RPS3A: variants seen among roughly 807,000 people sequenced by gnomAD.
RPS3A encodes the protein small ribosomal subunit protein eS1.
A neutral mutation model predicts 26.4 loss-of-function variants in RPS3A; 1 was observed. That is an observed-to-expected ratio of 0.04 (90% CI 0.01 to 0.18). The LOEUF is 0.18. RPS3A is among the 10% of genes least tolerant of loss of function. The probability of loss-of-function intolerance (pLI) is 1.00; values close to 1 mark genes in which losing one functional copy is unlikely to be tolerated. For synonymous variants in RPS3A, 97 were observed against 106.1 expected, an observed-to-expected ratio of 0.91 and a Z score of 0.53; for missense variants, 139 against 326.8, an observed-to-expected ratio of 0.43 and a Z score of 4.43.
In RPS3A at chr4:151,100,067, C is replaced by T. The variant is rs1027432651; in HGVS notation, c.62+353C>T. On this transcript the variant is annotated intron_variant, in intron 1 of 5. Transcript: ENST00000274065. ...AGCACCCTTCTATCCATTCAGGACC[C>T]GTCAATCTCGCCTTTGCTTGGTCCC... 5 of 548,848 alleles carry T rather than the reference C, an allele frequency of 9.1e-6. No homozygotes were observed. The Admixed American group carries it at 1.1e-4, about 12-fold the overall frequency. 34.0% of individuals were successfully genotyped at this position (548,848 alleles called of 1,614,324 possible).
Position 151,099,670 on chromosome 4 carries a change from C to T in RPS3A, c.18C>T (p.Asn6=), listed in dbSNP as rs372699294. The part of the protein sequence containing the change: MAVGK[N]KRLTKGGKKG... ...CCAGCACCATGGCGGTTGGCAAGAA[C>T]AAGCGCCTTACGAAAGGCGGCAAAA... Residue 6 remains asparagine (N), a synonymous_variant, in exon 1 of 6, where the codon AAC becomes AAT. Transcript: ENST00000274065. 161 of 1,613,898 alleles carry T rather than the reference C, an allele frequency of 1.0e-4. 3 individuals are homozygous for T. Among genetic ancestry groups the T allele is most frequent in the East Asian group, 6.2e-4 (28 of 44,880 alleles).
At chr4:151,103,811 A>G (rs1747237041) in intron 4 of RPS3A, 2 of 1,359,692 alleles carry the variant, frequency 1.5e-6, no homozygotes, top group African/African-American at 1.5e-5. Flanking sequence ...ACCTTTCATG[A>G]TTAATGATGC....
At chr4:151,103,508 C>CTG (rs34431267) in intron 4 of RPS3A, 910,625 of 1,029,484 alleles carry the variant, frequency 0.88, 406,575 homozygotes, top group Non-Finnish European at 0.91. Flanking sequence ...TGCCAGTACT[C>CTG]TAAATGATAA....
intron 1 of RPS3A, 125 bp from the exon 2 acceptor site, chr4:151,100,360 G>A: frequency 1.6e-6 from 1 of 621,362 alleles, no homozygotes; most frequent in Non-Finnish European, 2.9e-6. Context: ...ACCTCACTGT[G>A]AGATATACTT....
intron 3 of RPS3A, among the ~76,000 whole-genome samples, chr4:151,101,746 G>A (rs1040958711): frequency 6.6e-6 from 1 of 152,056 alleles, no homozygotes; most frequent in African/African-American, 2.4e-5. Context: ...GGAGTTTTTT[G>A]TTTTTGGGAG....
chr4:151,104,302 C>T lies in RPS3A; in HGVS notation c.673+16C>T. The stretch of plus-strand genomic sequence containing the variant: ...AAGTTTGAATGTAAGTGAGAAATCA[C>T]ATGATTCCTGTAGGGCCAAATACAT... On this transcript the variant is annotated intron_variant, in intron 5 of 5. Coordinates refer to ENST00000274065, the MANE Select transcript of RPS3A (RefSeq NM_001006.5). 6.2e-7 allele frequency: 1 copy of T among 1,611,826 alleles called. No homozygotes were observed. The highest frequency in any genetic ancestry group is 8.5e-7 in the Non-Finnish European group (1 of 1,179,318).
chr4:151,103,650 C>G (rs1360858562), intron 4 of RPS3A: 5 of 1,068,656 alleles, frequency 4.7e-6, no homozygotes, highest in Non-Finnish European at 5.7e-6. Flanking sequence ...GCCTGGAGTC[C>G]CAGCTACTCA....
At chr4:151,102,823 A>G in intron 3 of RPS3A, 48 bp from the exon 4 acceptor site, 1 of 1,557,762 alleles carries the variant, frequency 6.4e-7, no homozygotes, top group East Asian at 2.3e-5. Context: ...TGAGGGATAA[A>G]TGGATAACGT....
At chr4:151,101,239 A>G in intron 3 of RPS3A, 77 bp downstream of exon 3, 1 of 802,138 alleles carries the variant, frequency 1.2e-6, no homozygotes, top group Non-Finnish European at 1.9e-6. Context: ...GACTGGAAGG[A>G]GCAAGTTCAT....
intron 1 of RPS3A, chr4:151,099,956 T>G (rs1278447482): frequency 1.5e-6 from 1 of 671,666 alleles, no homozygotes. Context: ...CCGGCGCGAC[T>G]CGGCTGGAAT....
chr4:151,103,874 C>T (rs562672415), intron 4 of RPS3A: 72 of 1,427,746 alleles, frequency 5.0e-5, no homozygotes, highest in Non-Finnish European at 6.3e-5. Context: ...CCAGTGATAA[C>T]AACATTTTTC....
At chr4:151,103,746 A>G in intron 4 of RPS3A, 1 of 1,173,810 alleles carries the variant, frequency 8.5e-7, no homozygotes, top group Non-Finnish European at 1.1e-6. Flanking sequence ...AAAAAATAAA[A>G]AATATACGTA....
At chr4:151,103,272 C>G (rs1242364842) in intron 4 of RPS3A, 193 bp downstream of exon 4, 2 of 1,128,582 alleles carry the variant, frequency 1.8e-6, no homozygotes, top group Admixed American at 6.4e-5. Context: ...TTATTTGAGT[C>G]AGAGTCTTGC....
chr4:151,104,461 T>TTTTTTTTTTTTTTG lies in RPS3A; in HGVS notation c.674-10_674-9insTTTTTTTTTTTTGT. On this transcript the variant is annotated splice_polypyrimidine_tract_variant and intron_variant, in intron 5 of 5. Coordinates refer to ENST00000274065, the MANE Select transcript of RPS3A (RefSeq NM_001006.5). The stretch of plus-strand genomic sequence containing the variant: ...TTGGTTTTTTTTTTTTTTTTTTTTT[T>TTTTTTTTTTTTTTG]TGCCTTTTAGTGGGAAAGCTCATGG... 6.8e-7 allele frequency: 1 copy of TTTTTTTTTTTTTTG among 1,468,248 alleles called. No individual in the cohort carries two copies. Among genetic ancestry groups the TTTTTTTTTTTTTTG allele is most frequent in the Non-Finnish European group, 8.9e-7 (1 of 1,118,860 alleles). The allele number at this position is 1,468,248 out of a possible 1,614,324, so 91.0% of individuals were successfully genotyped here.
In RPS3A at chr4:151,102,905, C is replaced by T; in HGVS notation, c.389C>T (p.Thr130Ile). The stretch of plus-strand genomic sequence containing the variant: ...GAAGCTCACGTTGATGTCAAGACTA[C>T]CGATGGTTACTTGCTTCGTCTGTTC... ...MIEAHVDVKT[T>I]DGYLLRLFCV... Residue 130 changes from threonine to isoleucine, a missense_variant, in exon 4 of 6, where the codon ACC (threonine) becomes ATC (isoleucine). By Grantham distance (89) the Thr-to-Ile change is moderately conservative. Transcript: ENST00000274065. The T allele has an allele frequency of 1.2e-6, 2 of 1,611,616 alleles. No homozygotes were observed. Among genetic ancestry groups the T allele is most frequent in the African/African-American group, 1.3e-5 (1 of 74,994 alleles).
chr4:151,099,936 A>C, intron 1 of RPS3A: 18 of 593,026 alleles, frequency 3.0e-5, no homozygotes, highest in East Asian at 1.1e-4. Flanking sequence ...GTCGCGTTTG[A>C]GCCGGCTTGC....
At chr4:151,102,274 G>GT (rs1161028505) in intron 3 of RPS3A, 5 of 240,600 alleles carry the variant, frequency 2.1e-5, no homozygotes, top group African/African-American at 7.1e-5. Flanking sequence ...TACCCAAGAT[G>GT]TTTTTTGTTT....
intron 3 of RPS3A, 132 bp downstream of exon 3, chr4:151,101,294 T>A: frequency 1.8e-6 from 1 of 555,190 alleles, no homozygotes; most frequent in Admixed American, 3.8e-5. Flanking sequence ...AAAGTTCATT[T>A]TAAATTTTTG....
At chr4:151,103,768 A>G in intron 4 of RPS3A, 1 of 1,314,664 alleles carries the variant, frequency 7.6e-7, no homozygotes, top group Non-Finnish European at 1.0e-6. Context: ...ATATATATAC[A>G]CACACAAAGA....
Sources: gnomAD v4.1 joint callset for allele counts (sites outside exome capture counted in the v4.1 genomes callset) on GRCh38, gnomAD v4.1.1 for gene constraint, MANE v1.5 for transcripts, NCBI Gene and HGNC (gene_info 2026-07-23, HGNC 2026-07-21) for gene names.